The following ATG2B variants were observed in gnomAD, a reference collection of about 807,000 sequenced individuals.
ATG2B encodes the protein autophagy-related protein 2 homolog B.
In ATG2B, 121 loss-of-function variants were observed where a neutral mutation model predicts 241.3. The ratio of observed to expected loss-of-function variants is 0.50; its 90% CI spans 0.43 to 0.58. The LOEUF (loss-of-function observed/expected upper bound fraction) is 0.58. ATG2B is among the 20% of genes least tolerant of loss of function. The pLI is 0.00. For missense variants in ATG2B, 2,306 were observed against 2,491.6 expected (o/e 0.93, Z 1.59); for synonymous variants, 858 against 876.6 (o/e 0.98, Z 0.37).
chr14:96,344,215 A>T (rs989420501), intron 4 of ATG2B, among the ~76,000 whole-genome samples: 3 of 152,376 alleles, frequency 2.0e-5, no homozygotes, highest in South Asian at 2.1e-4. Flanking sequence ...TCCGTAGAGG[A>T]TCCTCAAAAC....
At chr14:96,286,053 C>T (rs112004111) in intron 41 of ATG2B, 68 bp from the exon 42 acceptor site, 31,388 of 1,286,118 alleles carry the variant, frequency 0.024, 525 homozygotes, top group Middle Eastern at 0.067. Flanking sequence ...ACTCTCTAAG[C>T]TATCCTGCAG....
At chr14:96,354,996 T>C (rs531722678) in intron 1 of ATG2B, among the ~76,000 whole-genome samples, 2 of 152,348 alleles carry the variant, frequency 1.3e-5, no homozygotes, top group Admixed American at 6.5e-5. Context: ...GGGTTGTTTT[T>C]TTCTTGTAAA....
Position 96,304,560 on chromosome 14 carries a change from G to T in ATG2B, c.4777C>A (p.Arg1593Ser). Residue 1593 changes from arginine to serine, a missense_variant, in exon 32 of 42, where the codon CGT becomes AGT. Around this residue, in one of 2 missense-constraint regions of ATG2B, gnomAD observed 1,927 missense variants for 2,011.2 expected, o/e 0.96. Coordinates refer to ENST00000359933, the MANE Select transcript of ATG2B (RefSeq NM_018036.7). ...CCTTTTCCCCCACATACTGTATTAC[G>T]TCCATGTCTCGTGGGTGTGTGAGAA... ...SPSHTPTRHG[R>S]NTVCGGKGRN... 1.4e-5 allele frequency: 22 copies of T among 1,609,340 alleles called. No individual in the cohort carries two copies. The highest frequency in any genetic ancestry group is 1.9e-5 in the Non-Finnish European group (22 of 1,178,398).
intron 30 of ATG2B, 124 bp downstream of exon 30, chr14:96,306,590 A>G: frequency 2.5e-6 from 1 of 392,314 alleles, no homozygotes; most frequent in Middle Eastern, 8.3e-4. Flanking sequence ...TAGTATATTA[A>G]AAAAAAAAAA....
chr14:96,286,908 G>A (rs376181702), intron 41 of ATG2B, among the ~76,000 whole-genome samples: 23 of 152,144 alleles, frequency 1.5e-4, no homozygotes, highest in African/African-American at 4.8e-4. Flanking sequence ...TAACAAGAGC[G>A]TCCTATCTAC....
chr14:96,311,405 AG>A, intron 27 of ATG2B, 118 bp from the exon 28 acceptor site: 1 of 1,209,338 alleles, frequency 8.3e-7, no homozygotes, highest in Admixed American at 2.5e-5. Flanking sequence ...ACATAAAAAA[AG>A]TATTTAAATA....
At chr14:96,332,277 T>A (rs2139881758) in intron 10 of ATG2B, 28 bp downstream of exon 10, 1 of 1,549,416 alleles carries the variant, frequency 6.5e-7, no homozygotes, top group Non-Finnish European at 8.9e-7. Flanking sequence ...CAGCGGAAAC[T>A]AACAACAAAT....
intron 26 of ATG2B, 138 bp downstream of exon 26, chr14:96,311,951 A>C (rs927083485): frequency 7.2e-6 from 5 of 695,336 alleles, no homozygotes; most frequent in African/African-American, 1.8e-5. Flanking sequence ...CTATATACTT[A>C]AAGACCCTTT....
At chr14:96,343,674 T>A (rs1309624373) in intron 4 of ATG2B, among the ~76,000 whole-genome samples, 3 of 152,172 alleles carry the variant, frequency 2.0e-5, no homozygotes, top group Admixed American at 6.5e-5. Flanking sequence ...ATTCCTGTAC[T>A]CCCCCACAAA....
At position 96,329,532 on chromosome 14, in the gene ATG2B, C is replaced by T. The variant is rs1566727500; in HGVS notation, c.1833G>A (p.Glu611=). The change falls in exon 12 of 42, where the codon GAG becomes GAA. Residue 611 remains glutamate, a synonymous_variant. Transcript: ENST00000359933. ...AATGAAAATCAGTTGGAAATAGGCA[C>T]TCCAAAAATTCCATTTGCCCAATGG... The part of the protein sequence containing the change: ...DMSIGQMEFL[E]CLFPTDFHSV... The T allele has an allele frequency of 3.1e-6, 5 of 1,612,768 alleles. No homozygotes were observed. In the East Asian group the frequency reaches 8.9e-5, roughly 29 times the overall value.
intron 28 of ATG2B, among the ~76,000 whole-genome samples, chr14:96,310,873 C>T (rs1887131876): frequency 6.7e-6 from 1 of 150,324 alleles, no homozygotes; most frequent in Non-Finnish European, 1.5e-5. Context: ...AATAACAAGT[C>T]TAGAAAAAAA....
chr14:96,311,105 T>C lies in ATG2B; in HGVS notation c.4161+12A>G, dbSNP rs1414882801. Reference sequence around the variant, plus strand: ...ATGGCAGGGACTGGAGGAATCACATTGCTGACTGTACCTTAGACCTTCTTT... The same window carrying C: ...ATGGCAGGGACTGGAGGAATCACATCGCTGACTGTACCTTAGACCTTCTTT... On this transcript the variant is annotated intron_variant, in intron 28 of 41. Transcript: ENST00000359933. 6.3e-7 allele frequency: 1 copy of C among 1,599,058 alleles called. No homozygotes were observed. Among genetic ancestry groups the C allele is most frequent in the Non-Finnish European group, 8.5e-7 (1 of 1,171,264 alleles).
chr14:96,322,302 ATAG>A, intron 17 of ATG2B, 48 bp from the exon 18 acceptor site: 1 of 1,563,122 alleles, frequency 6.4e-7, no homozygotes, highest in Non-Finnish European at 8.6e-7. Flanking sequence ...CATGTTTAAA[ATAG>A]TAGTAGCATC....
rs114170490 is a variant in ATG2B, at chr14:96,312,274, A to G, written c.3843-115T>C. 2,140 of 722,320 alleles carry G rather than the reference A, an allele frequency of 3.0e-3. 45 individuals are homozygous for G. The African/African-American group carries it at 0.035, about 12-fold the overall frequency. 44.7% of individuals were successfully genotyped at this position (722,320 alleles called of 1,614,324 possible). On this transcript the variant is annotated intron_variant, in intron 25 of 41. Coordinates refer to ENST00000359933, the MANE Select transcript of ATG2B (RefSeq NM_018036.7). ...TTCTGGTATGAACATTGTTGAAATC[A>G]TAAGCAGTTTCTAACTTATAACTGT... is the stretch of plus-strand genomic sequence containing the variant.
intron 41 of ATG2B, among the ~76,000 whole-genome samples, chr14:96,288,405 C>T (rs1313701595): frequency 1.3e-5 from 2 of 152,216 alleles, no homozygotes; most frequent in Non-Finnish European, 2.9e-5. Flanking sequence ...ACTGCCCTTA[C>T]TAACCCCAGT....
intron 31 of ATG2B, among the ~76,000 whole-genome samples, chr14:96,305,362 G>C (rs1053480396): frequency 1.3e-5 from 2 of 152,200 alleles, no homozygotes; most frequent in Admixed American, 1.3e-4. Context: ...TGAAAATGAT[G>C]AGAGTCAACA....
chr14:96,339,663 G>A (rs544153049), intron 6 of ATG2B, among the ~76,000 whole-genome samples: 21 of 152,038 alleles, frequency 1.4e-4, no homozygotes, highest in Middle Eastern at 3.2e-3. Context: ...ATAAGTGGGA[G>A]CTAAGCTATG....
rs909973926 is a variant in ATG2B, at chr14:96,363,274, G to A, written c.-298C>T. On this transcript the variant is annotated 5_prime_UTR_variant, in exon 1 of 42. Transcript: ENST00000359933. ...AGCGCGAGAGGAGGCGGCAGGGGCT[G>A]AGGCAGCCACCGCCACTGCCGCCGC... 84 of 321,028 alleles carry A rather than the reference G, an allele frequency of 2.6e-4. 1 individual carries two copies. The highest frequency in any genetic ancestry group is 6.2e-4 in the South Asian group (18 of 28,818). The allele number at this position is 321,028 out of a possible 1,614,324, so 19.9% of individuals were successfully genotyped here.
intron 34 of ATG2B, among the ~76,000 whole-genome samples, chr14:96,299,648 T>C (rs1000394848): frequency 6.6e-6 from 1 of 152,214 alleles, no homozygotes; most frequent in African/African-American, 2.4e-5. Context: ...CCTAGCTGTA[T>C]GACCTCCATC....
Sources: allele counts gnomAD v4.1 joint callset (sites outside exome capture counted in the v4.1 genomes callset), GRCh38; gene constraint gnomAD v4.1.1; regional missense constraint gnomAD v4.1.1; transcripts MANE v1.5; gene names NCBI Gene and HGNC (gene_info 2026-07-23, HGNC 2026-07-21).